SYNE2: variants seen among roughly 807,000 people sequenced by gnomAD.
SYNE2 encodes spectrin repeat containing nuclear envelope protein 2, also known as nesprin-2.
In SYNE2, 431 loss-of-function variants were observed where a neutral mutation model predicts 856.3. That is an observed-to-expected ratio of 0.50 (90% CI 0.47 to 0.55). The LOEUF is 0.55. Among genes scored for constraint, SYNE2 ranks in the 20% least tolerant of loss-of-function variants. SYNE2 has a pLI of 0.00. For missense variants in SYNE2, 8,129 were observed against 8,023.2 expected (o/e 1.01, Z -0.50); for synonymous variants, 2,923 against 2,872.3 (o/e 1.02, Z -0.56).
chr14:63,852,645 C>T (rs984345217), upstream of SYNE2, among the ~76,000 whole-genome samples: 5 of 152,190 alleles, frequency 3.3e-5, no homozygotes, highest in Admixed American at 2.6e-4. Flanking sequence ...TGCTCTCTAA[C>T]TCCTACTTCC....
chr14:63,774,494 A>G (rs935126690), intron 1 of SYNE2, among the ~76,000 whole-genome samples: 2 of 150,458 alleles, frequency 1.3e-5, no homozygotes, highest in Non-Finnish European at 3.0e-5. Flanking sequence ...AAAGAAAAAA[A>G]GAAACAAAAA....
chr14:64,027,934 G>T (rs1009220827), intron 43 of SYNE2, 141 bp downstream of exon 43: 20 of 750,654 alleles, frequency 2.7e-5, no homozygotes, highest in Admixed American at 1.9e-4. Flanking sequence ...TTGAGACAGG[G>T]TCTCACTCTT....
chr14:64,182,951 G>A (rs954295911), intron 96 of SYNE2, among the ~76,000 whole-genome samples: 4 of 152,114 alleles, frequency 2.6e-5, no homozygotes, highest in Non-Finnish European at 5.9e-5. Flanking sequence ...TCACTTCCCA[G>A]AAGGGGCGGC....
At chr14:64,223,988 A>G (rs942266333) in intron 113 of SYNE2, among the ~76,000 whole-genome samples, 2 of 152,104 alleles carry the variant, frequency 1.3e-5, no homozygotes, top group African/African-American at 4.8e-5. Context: ...CCTTGTTTAC[A>G]TTCCTTTTTG....
chr14:64,028,079 A>AT (rs929524163), intron 43 of SYNE2, among the ~76,000 whole-genome samples: 3 of 150,044 alleles, frequency 2.0e-5, no homozygotes, highest in East Asian at 2.0e-4. Flanking sequence ...TCATTTTTGT[A>AT]TTTTTTTTAG....
intron 52 of SYNE2, among the ~76,000 whole-genome samples, chr14:64,072,321 C>A (rs751607478): frequency 1.3e-5 from 2 of 152,192 alleles, no homozygotes; most frequent in Non-Finnish European, 2.9e-5. Flanking sequence ...ACTTCTGACA[C>A]CATGTTGGTT....
chr14:63,883,379 T>G (rs774927875), intron 1 of SYNE2, among the ~76,000 whole-genome samples: 2 of 151,098 alleles, frequency 1.3e-5, no homozygotes, highest in Non-Finnish European at 2.9e-5. Flanking sequence ...TTTATTAAAG[T>G]CAGGGTCTCG....
intron 1 of SYNE2, among the ~76,000 whole-genome samples, chr14:63,902,000 C>T (rs545018106): frequency 2.6e-5 from 4 of 152,176 alleles, no homozygotes; most frequent in Admixed American, 6.5e-5. Context: ...TATTAATTTA[C>T]ATGTATTTTA....
intron 54 of SYNE2, among the ~76,000 whole-genome samples, chr14:64,076,342 T>G (rs957019461): frequency 6.6e-6 from 1 of 152,202 alleles, no homozygotes; most frequent in African/African-American, 2.4e-5. Flanking sequence ...TCTCTTGCAT[T>G]TTATAATACA....
At chr14:64,037,017 G>C (rs2097095730) in intron 45 of SYNE2, among the ~76,000 whole-genome samples, 2 of 152,190 alleles carry the variant, frequency 1.3e-5, no homozygotes, top group South Asian at 4.1e-4. Context: ...CTACACTGTA[G>C]TGTCAGAGAG....
At chr14:64,004,077 T>G (rs965998038) in intron 30 of SYNE2, among the ~76,000 whole-genome samples, 1 of 151,904 alleles carries the variant, frequency 6.6e-6, no homozygotes, top group Non-Finnish European at 1.5e-5. Context: ...CAGGCTGGAG[T>G]TCAGTGGTGC....
At chr14:63,763,331 T>C (rs978952170) in intron 1 of SYNE2, among the ~76,000 whole-genome samples, 3 of 152,178 alleles carry the variant, frequency 2.0e-5, no homozygotes, top group Non-Finnish European at 4.4e-5. Context: ...AAAGAAGTAA[T>C]GCCCATGGTT....
At chr14:64,184,050 CTG>C (rs1224517387) in intron 96 of SYNE2, among the ~76,000 whole-genome samples, 1 of 152,114 alleles carries the variant, frequency 6.6e-6, no homozygotes, top group African/African-American at 2.4e-5. Context: ...TTTATACAAA[CTG>C]ATCGTCAGCT....
intron 111 of SYNE2, 35 bp downstream of exon 111, chr14:64,220,672 G>A: frequency 6.2e-7 from 1 of 1,609,978 alleles, no homozygotes; most frequent in Non-Finnish European, 8.5e-7. Context: ...CCCAGAGCCG[G>A]TACCCAGGCC....
chr14:63,789,602 C>T (rs1037389639), intron 1 of SYNE2, among the ~76,000 whole-genome samples: 2 of 151,830 alleles, frequency 1.3e-5, no homozygotes, highest in African/African-American at 4.8e-5. Context: ...ACCAACATGG[C>T]GAAATCCTGT....
upstream of SYNE2, among the ~76,000 whole-genome samples, chr14:63,848,569 T>C (rs1347720609): frequency 1.3e-5 from 2 of 152,234 alleles, no homozygotes; most frequent in African/African-American, 2.4e-5. Context: ...TTTCTTTAAA[T>C]GATGCATTTA....
chr14:64,003,980 G>T (rs1445859742), intron 30 of SYNE2, among the ~76,000 whole-genome samples: 1 of 151,932 alleles, frequency 6.6e-6, no homozygotes, highest in African/African-American at 2.4e-5. Context: ...TCGCTTTTGT[G>T]GAATTCTTTC....
chr14:63,855,963 T>G (rs1891607339), intron 1 of SYNE2, among the ~76,000 whole-genome samples: 1 of 152,096 alleles, frequency 6.6e-6, no homozygotes, highest in Non-Finnish European at 1.5e-5. Flanking sequence ...GAAGTGACAT[T>G]TAACTGAGAC....
intron 66 of SYNE2, among the ~76,000 whole-genome samples, chr14:64,116,654 G>T (rs1266548114): frequency 1.3e-5 from 2 of 152,188 alleles, no homozygotes; most frequent in African/African-American, 2.4e-5. Flanking sequence ...GACCTCAGGT[G>T]ATCCACCTGC....
Sources: allele counts gnomAD v4.1 joint callset (sites outside exome capture counted in the v4.1 genomes callset), GRCh38; gene constraint gnomAD v4.1.1; transcripts MANE v1.5; gene names NCBI Gene and HGNC (gene_info 2026-07-23, HGNC 2026-07-21).